TBC1D1: variants seen among roughly 807,000 people sequenced by gnomAD.
The protein encoded by TBC1D1 is TBC1 (tre-2/USP6, BUB2, cdc16) domain family, member 1.
TBC1D1 carries 89 observed loss-of-function variants against 125.6 expected under a neutral mutation model. The observed-to-expected ratio is 0.71, with a 90% confidence interval of 0.60 to 0.85. The LOEUF (loss-of-function observed/expected upper bound fraction) is 0.85, where lower values mean the gene tolerates loss of function less well. Ranked by LOEUF, TBC1D1 falls within the 40% of genes least tolerant of loss-of-function variation. The pLI is 0.00. For missense variants in TBC1D1, 1,377 were observed against 1,469.2 expected (o/e 0.94, Z 1.03); for synonymous variants, 565 against 564.1 (o/e 1.00, Z -0.02).
chr4:37,926,368 T>G (rs1422284501), intron 2 of TBC1D1, among the ~76,000 whole-genome samples: 1 of 152,218 alleles, frequency 6.6e-6, no homozygotes, highest in African/African-American at 2.4e-5. Flanking sequence ...GGCACCTCTG[T>G]ACAAATTACA....
chr4:37,908,149 A>AGTGG (rs143096068), intron 2 of TBC1D1, among the ~76,000 whole-genome samples: 5,081 of 152,222 alleles, frequency 0.033, 132 homozygotes, highest in Non-Finnish European at 0.056. Context: ...GGTCGAGGGC[A>AGTGG]GTGGGCAGAG....
At chr4:37,918,315 G>A (rs1354623322) in intron 2 of TBC1D1, among the ~76,000 whole-genome samples, 1 of 152,180 alleles carries the variant, frequency 6.6e-6, no homozygotes, top group Admixed American at 6.5e-5. Flanking sequence ...TCAGAAAGTT[G>A]TACGTAGCCT....
At chr4:37,979,415 G>C (rs1272550526) in intron 2 of TBC1D1, among the ~76,000 whole-genome samples, 31 of 152,184 alleles carry the variant, frequency 2.0e-4, no homozygotes, top group Admixed American at 1.6e-3. Flanking sequence ...TTATTTCTTG[G>C]AGTTATAGAT....
intron 6 of TBC1D1, among the ~76,000 whole-genome samples, chr4:38,022,538 A>G (rs998131034): frequency 6.6e-6 from 1 of 152,220 alleles, no homozygotes; most frequent in African/African-American, 2.4e-5. Context: ...TGGGGATTGC[A>G]GCTAACTTTG....
intron 6 of TBC1D1, 36 bp downstream of exon 6, chr4:38,021,754 G>T (rs1325790296): frequency 6.8e-7 from 1 of 1,480,198 alleles, no homozygotes; most frequent in Non-Finnish European, 9.0e-7. Context: ...GAACACAGTG[G>T]GAGTTAAAGG....
At position 38,024,636 on chromosome 4, in the gene TBC1D1, A is replaced by C. The variant is rs116287906; in HGVS notation, c.1210+2918A>C. Among the ~76,000 whole-genome samples, 1,460 of 152,370 alleles carry C rather than the reference A, an allele frequency of 9.6e-3. 25 individuals are homozygous for C. The highest frequency in any genetic ancestry group is 0.033 in the African/African-American group (1,374 of 41,586). On this transcript the variant is annotated intron_variant, in intron 6 of 19. Transcript: ENST00000261439. Reference sequence around the variant, plus strand: ...CCTACATGATGGAACTCATTTCTAAAAGTGTAGAAGAAGTGCATTGTTAGT... The same window carrying C: ...CCTACATGATGGAACTCATTTCTAACAGTGTAGAAGAAGTGCATTGTTAGT...
chr4:37,986,714 G>A (rs1042328974), intron 2 of TBC1D1, among the ~76,000 whole-genome samples: 1 of 152,122 alleles, frequency 6.6e-6, no homozygotes, highest in Admixed American at 6.5e-5. Context: ...TTACAGGTGC[G>A]AGCCACTGTG....
chr4:38,065,454 T>TA (rs751478159), intron 12 of TBC1D1, among the ~76,000 whole-genome samples: 4 of 152,158 alleles, frequency 2.6e-5, no homozygotes, highest in Non-Finnish European at 5.9e-5. Flanking sequence ...CCTGAGTGAT[T>TA]AATAAACAGC....
At chr4:38,099,037 G>A (rs1205440229) in intron 14 of TBC1D1, among the ~76,000 whole-genome samples, 1 of 152,204 alleles carries the variant, frequency 6.6e-6, no homozygotes, top group African/African-American at 2.4e-5. Flanking sequence ...AAGCTGGAAT[G>A]TCTTTTTTAG....
At chr4:37,903,435 T>G (rs956609622) in intron 2 of TBC1D1, among the ~76,000 whole-genome samples, 2 of 152,188 alleles carry the variant, frequency 1.3e-5, no homozygotes, top group Admixed American at 1.3e-4. Flanking sequence ...CTTGCCGTTG[T>G]TTTGGGTGCC....
At chr4:37,989,683 C>T (rs1213729494) in intron 2 of TBC1D1, among the ~76,000 whole-genome samples, 1 of 152,234 alleles carries the variant, frequency 6.6e-6, no homozygotes, top group Non-Finnish European at 1.5e-5. Context: ...AAACTGCTTT[C>T]TTTAGGCCAC....
intron 2 of TBC1D1, among the ~76,000 whole-genome samples, chr4:37,986,911 CAAG>C (rs1214015048): frequency 6.6e-6 from 1 of 152,124 alleles, no homozygotes; most frequent in Non-Finnish European, 1.5e-5. Flanking sequence ...GTTAACTGTG[CAAG>C]AAGAAGCACA....
chr4:38,096,239 A>G, intron 14 of TBC1D1, 149 bp downstream of exon 16: 1 of 584,108 alleles, frequency 1.7e-6, no homozygotes, highest in South Asian at 3.4e-5. Flanking sequence ...ACCTTACTTA[A>G]TAGACATGAG....
chr4:37,919,085 T>TA (rs1374976755), intron 2 of TBC1D1, among the ~76,000 whole-genome samples: 11 of 58,140 alleles, frequency 1.9e-4, no homozygotes, highest in Admixed American at 2.0e-4. Context: ...GCCCCCATCT[T>TA]TAAAAAAAAA....
At chr4:38,121,427 C>T (rs930793888) in intron 17 of TBC1D1, among the ~76,000 whole-genome samples, 14 of 152,104 alleles carry the variant, frequency 9.2e-5, no homozygotes, top group African/African-American at 2.2e-4. Flanking sequence ...TTGTTCCCAG[C>T]GAATACAGTG....
chr4:38,062,166 G>C (rs1200217227), intron 12 of TBC1D1, among the ~76,000 whole-genome samples: 1 of 152,074 alleles, frequency 6.6e-6, no homozygotes, highest in South Asian at 2.1e-4. Flanking sequence ...CCTCAATTCG[G>C]ACCTCAGAGG....
chr4:38,007,464 GCTGGT>G (rs1461286010), intron 2 of TBC1D1, among the ~76,000 whole-genome samples: 1 of 151,920 alleles, frequency 6.6e-6, no homozygotes, highest in African/African-American at 2.4e-5. Context: ...TGTTGGTCAG[GCTGGT>G]CTCGAACTTC....
intron 2 of TBC1D1, among the ~76,000 whole-genome samples, chr4:37,943,048 C>G (rs764765407): frequency 1.3e-5 from 2 of 152,172 alleles, no homozygotes; most frequent in East Asian, 1.9e-4. Context: ...CAAAATCTGT[C>G]AGCATTTGCT....
At chr4:38,041,073 A>G (rs1748272922) in intron 8 of TBC1D1, among the ~76,000 whole-genome samples, 1 of 152,234 alleles carries the variant, frequency 6.6e-6, no homozygotes, top group African/African-American at 2.4e-5. Flanking sequence ...ATTCTCATAG[A>G]GAGTCCAATT....
Sources: gnomAD v4.1 joint callset for allele counts (sites outside exome capture counted in the v4.1 genomes callset) on GRCh38, gnomAD v4.1.1 for gene constraint, MANE v1.5 for transcripts, NCBI Gene and HGNC (gene_info 2026-07-23, HGNC 2026-07-21) for gene names.